The following ZFHX3 variants were observed in gnomAD, a reference collection of about 807,000 sequenced individuals.
ZFHX3 encodes zinc finger homeobox protein 3.
ZFHX3 carries 42 observed loss-of-function variants against 279.1 expected under a neutral mutation model. That is an observed-to-expected ratio of 0.15 (90% CI 0.12 to 0.19). The LOEUF (loss-of-function observed/expected upper bound fraction) is 0.19, where lower values mean the gene tolerates loss of function less well. ZFHX3 is among the 10% of genes least tolerant of loss of function. The probability of loss-of-function intolerance (pLI) is 1.00; values close to 1 mark genes in which losing one functional copy is unlikely to be tolerated. For synonymous variants in ZFHX3, 2,293 were observed against 1,957.8 expected (o/e 1.17, Z -4.52); for missense variants, 4,981 against 4,754.0 (o/e 1.05, Z -1.40).
At chr16:73,706,761 C>T (rs1300166505) in intron 1 of ZFHX3, among the ~76,000 whole-genome samples, 1 of 152,144 alleles carries the variant, frequency 6.6e-6, no homozygotes, top group African/African-American at 2.4e-5. Context: ...AAAGCCATCT[C>T]CTATGCCAAT....
intron 9 of ZFHX3, among the ~76,000 whole-genome samples, chr16:72,792,000 G>A (rs1253702376): frequency 1.3e-5 from 2 of 152,140 alleles, no homozygotes; most frequent in African/African-American, 4.8e-5. Context: ...GCATTAGGAG[G>A]GGTTCTCCTT....
At chr16:73,287,781 T>C (rs57339486) in intron 4 of ZFHX3, among the ~76,000 whole-genome samples, 7,615 of 142,044 alleles carry the variant, frequency 0.054, 297 homozygotes, top group African/African-American at 0.13. Flanking sequence ...TGTGGGTAAG[T>C]GTGTGGGTGT....
chr16:73,503,912 T>C (rs2019279897), intron 2 of ZFHX3, among the ~76,000 whole-genome samples: 1 of 152,234 alleles, frequency 6.6e-6, no homozygotes, highest in Admixed American at 6.5e-5. Context: ...ACTAGGGTGA[T>C]AGTTATTCAC....
chr16:73,443,199 A>C (rs558089778), intron 3 of ZFHX3, among the ~76,000 whole-genome samples: 1 of 152,230 alleles, frequency 6.6e-6, no homozygotes, highest in Admixed American at 6.5e-5. Flanking sequence ...AATAACAGAA[A>C]GAAGGGAAAG....
intron 5 of ZFHX3, among the ~76,000 whole-genome samples, chr16:73,244,230 A>T (rs930780051): frequency 6.6e-6 from 1 of 152,150 alleles, no homozygotes; most frequent in Admixed American, 6.5e-5. Flanking sequence ...CTAGAAGAGT[A>T]TTCATCCTGA....
chr16:73,603,040 C>T (rs1200050450), intron 2 of ZFHX3, among the ~76,000 whole-genome samples: 1 of 151,576 alleles, frequency 6.6e-6, no homozygotes, highest in Non-Finnish European at 1.5e-5. Flanking sequence ...AATCCCAGCA[C>T]TTTGGGAGGC....
intron 1 of ZFHX3, among the ~76,000 whole-genome samples, chr16:73,035,586 T>A (rs745325665): frequency 2.0e-5 from 3 of 152,176 alleles, no homozygotes; most frequent in Non-Finnish European, 4.4e-5. Context: ...CACAGCGTGC[T>A]TTTAAAAAAT....
At chr16:73,457,293 A>G (rs772691978) in intron 2 of ZFHX3, among the ~76,000 whole-genome samples, 22 of 152,322 alleles carry the variant, frequency 1.4e-4, no homozygotes, top group Middle Eastern at 3.4e-3. Context: ...TGCTGGCATC[A>G]GGAATGGAGA....
At chr16:73,147,658 C>G (rs1326448384) in intron 5 of ZFHX3, among the ~76,000 whole-genome samples, 1 of 138,228 alleles carries the variant, frequency 7.2e-6, no homozygotes, top group African/African-American at 2.7e-5. Flanking sequence ...CGCCACCGCA[C>G]TCCAGCCTGG....
At chr16:73,629,574 G>A (rs1337509985) in intron 2 of ZFHX3, among the ~76,000 whole-genome samples, 1 of 151,774 alleles carries the variant, frequency 6.6e-6, no homozygotes. Context: ...GAGGGAATGA[G>A]AAGAAGATGG....
chr16:73,748,516 A>G (rs1270332679), intron 1 of ZFHX3, among the ~76,000 whole-genome samples: 1 of 148,532 alleles, frequency 6.7e-6, no homozygotes, highest in Non-Finnish European at 1.5e-5. Context: ...TTTCTTTGAT[A>G]TAAATGCACC....
rs563391021 is a variant in ZFHX3 at position 73,326,228 on chromosome 16, C to A, written c.-1290-7892G>T. Among the ~76,000 whole-genome samples the A allele has an allele frequency of 3.3e-4, 51 of 152,272 alleles. No homozygotes were observed. In the South Asian group the frequency reaches 0.01, roughly 31 times the overall value. On this transcript the variant is annotated intron_variant, in intron 3 of 17. Transcript: ENST00000641206. ...AGATAAATCATAAAGAATAATATAT[C>A]ATATGCAACGGCCATTTAAGAATTT...
chr16:73,639,525 A>G (rs1806091520), intron 2 of ZFHX3, among the ~76,000 whole-genome samples: 1 of 152,198 alleles, frequency 6.6e-6, no homozygotes, highest in Admixed American at 6.5e-5. Context: ...GTTAATATTA[A>G]AACAGAAACA....
intron 4 of ZFHX3, among the ~76,000 whole-genome samples, chr16:73,296,877 A>ATTTTTTTTTTT (rs201366558): frequency 0.025 from 2,869 of 115,556 alleles, 261 homozygotes; most frequent in African/African-American, 0.039. Flanking sequence ...TGAAGCAGGA[A>ATTTTTTTTTTT]TTTTTTTTTT....
intron 7 of ZFHX3, among the ~76,000 whole-genome samples, chr16:73,102,071 G>A (rs1386988290): frequency 1.3e-5 from 2 of 151,662 alleles, no homozygotes; most frequent in African/African-American, 2.4e-5. Context: ...CTGCCACTGC[G>A]CCTGGCTAAT....
intron 5 of ZFHX3, among the ~76,000 whole-genome samples, chr16:72,817,693 A>AGT (rs1204960734): frequency 1.3e-5 from 2 of 152,174 alleles, no homozygotes; most frequent in African/African-American, 4.8e-5. Flanking sequence ...GTTACTGGGA[A>AGT]GTTTCTTTTG....
At chr16:73,302,290 CCT>C (rs1403801847) in intron 4 of ZFHX3, among the ~76,000 whole-genome samples, 1 of 151,818 alleles carries the variant, frequency 6.6e-6, no homozygotes, top group African/African-American at 2.4e-5. Context: ...CTCCCTTTCT[CCT>C]CTCTCTCTCC....
At chr16:73,590,019 G>A (rs567709060) in intron 2 of ZFHX3, among the ~76,000 whole-genome samples, 1 of 152,220 alleles carries the variant, frequency 6.6e-6, no homozygotes, top group South Asian at 2.1e-4. Flanking sequence ...ATTGGTGGTG[G>A]TAGTGTTAGT....
intron 1 of ZFHX3, among the ~76,000 whole-genome samples, chr16:73,783,048 G>C (rs1002302594): frequency 6.6e-6 from 1 of 152,106 alleles, no homozygotes; most frequent in African/African-American, 2.4e-5. Context: ...GAGAGAGAGG[G>C]GGGCACTGAA....
Sources: allele counts gnomAD v4.1 joint callset (sites outside exome capture counted in the v4.1 genomes callset), GRCh38; gene constraint gnomAD v4.1.1; transcripts MANE v1.5; gene names NCBI Gene and HGNC (gene_info 2026-07-23, HGNC 2026-07-21).